The following MYH3 variants were observed in gnomAD, a reference collection of about 807,000 sequenced individuals.
MYH3 encodes the protein myosin heavy chain 3.
A neutral mutation model predicts 238.0 loss-of-function variants in MYH3; 130 were observed. That is an observed-to-expected ratio of 0.55 (90% CI 0.47 to 0.63). MYH3 has a LOEUF of 0.63. Ranked by LOEUF, MYH3 falls within the 30% of genes least tolerant of loss-of-function variation. The probability of loss-of-function intolerance (pLI) is 0.00; values close to 1 mark genes in which losing one functional copy is unlikely to be tolerated. For missense variants in MYH3, 1,853 were observed against 2,374.9 expected, an observed-to-expected ratio of 0.78 and a Z score of 4.57; for synonymous variants, 880 against 924.1, an observed-to-expected ratio of 0.95 and a Z score of 0.86.
the MYH3 span, among the ~76,000 whole-genome samples, chr17:10,671,625 G>C: frequency 7.1e-6 from 1 of 140,430 alleles, no homozygotes; most frequent in Non-Finnish European, 1.5e-5. Flanking sequence ...TGTCGCCCAG[G>C]CTGGAGTGCA....
At position 10,647,479 on chromosome 17, in the gene MYH3, TC is replaced by T. The variant is rs368254347; in HGVS notation, c.736-54del. The T allele has an allele frequency of 1.2e-3, 1,829 of 1,580,050 alleles. 12 individuals carry two copies. The African/African-American group carries it at 0.021, about 18-fold the overall frequency. ...CCAGATTCTACCATGGCCCAATAGTTCCTATTCATCTTATGGGTAATTTGAG... is the reference window on the plus strand; with the variant it reads ...CCAGATTCTACCATGGCCCAATAGTTCTATTCATCTTATGGGTAATTTGAG... On this transcript the variant is annotated intron_variant, in intron 8 of 40. Transcript: ENST00000583535.
the MYH3 span, among the ~76,000 whole-genome samples, chr17:10,666,586 A>G: frequency 6.6e-6 from 1 of 151,346 alleles, no homozygotes; most frequent in Admixed American, 6.6e-5. Flanking sequence ...TACAAAAAAA[A>G]AAAAAAAAAA....
the MYH3 span, chr17:10,673,883 G>A: frequency 6.6e-6 from 1 of 152,206 alleles, no homozygotes. Flanking sequence ...AATTTCAAAA[G>A]TGGGGCAATT....
intron 10 of MYH3, 138 bp from the exon 11 acceptor site, chr17:10,646,170 C>G (rs1447425141): frequency 1.3e-6 from 1 of 760,398 alleles, no homozygotes; most frequent in Non-Finnish European, 2.3e-6. Context: ...ATCTTTTAGA[C>G]AGTTCCACAA....
intron 28 of MYH3, 136 bp from the exon 29 acceptor site, chr17:10,635,989 G>T (rs954658619): frequency 3.8e-6 from 3 of 792,122 alleles, no homozygotes; most frequent in Non-Finnish European, 6.4e-6. Context: ...CAGGGAGAAG[G>T]TATATGGTTC....
intron 36 of MYH3, 130 bp downstream of exon 36, chr17:10,631,481 G>A (rs2074156267): frequency 2.9e-6 from 4 of 1,365,226 alleles, no homozygotes; most frequent in South Asian, 1.2e-5. Context: ...TTTGAGCGGA[G>A]ATGGGAGCCC....
Position 10,644,639 on chromosome 17 carries a change from A to G in MYH3, c.1205T>C (p.Phe402Ser). Residue 402 changes from phenylalanine to serine, a missense_variant, in exon 13 of 41, where the codon TTT becomes TCT. Transcript: ENST00000583535. ...CTCATTCCCAACTTTCACTCTAGGAAAGCACAAAGCTTTTAGGAGGTCCGA... is the reference window on the plus strand; with the variant it reads ...CTCATTCCCAACTTTCACTCTAGGAGAGCACAAAGCTTTTAGGAGGTCCGA... ...NSSDLLKALC[F>S]PRVKVGNEYV... The G allele has an allele frequency of 4.3e-6, 7 of 1,614,154 alleles. No individual in the cohort carries two copies. Among genetic ancestry groups the G allele is most frequent in the African/African-American group, 1.3e-5 (1 of 75,050 alleles).
upstream of MYH3, among the ~76,000 whole-genome samples, chr17:10,657,893 T>C (rs553998696): frequency 6.6e-6 from 1 of 152,156 alleles, no homozygotes; most frequent in Admixed American, 6.5e-5. Flanking sequence ...CTTCTACTCC[T>C]CTCCTTCTTT....
Position 10,654,961 on chromosome 17 carries a change from T to C in MYH3, c.104A>G (p.Lys35Arg), listed in dbSNP as rs1196330551. The C allele has an allele frequency of 1.2e-6, 2 of 1,614,216 alleles. No individual in the cohort carries two copies. Among genetic ancestry groups the C allele is most frequent in the East Asian group, 2.2e-5 (1 of 44,884 alleles). The stretch of plus-strand genomic sequence containing the variant: ...TGAGTCCACCACGAAGCAATACGTC[T>C]TGGCATCAAAGGGCTGGTTCTGAGC... ...IEAQNQPFDA[K>R]TYCFVVDSKE... Residue 35 changes from lysine (K) to arginine (R), a missense_variant, in exon 3 of 41, where the codon AAG becomes AGG. Physicochemically the swap from Lys to Arg is conservative, Grantham distance 26. Coordinates refer to ENST00000583535, the MANE Select transcript of MYH3 (RefSeq NM_002470.4). The surrounding 1 kb of genome is among the most constrained non-coding windows in gnomAD (Gnocchi z 4.5).
chr17:10,640,440 G>T lies in MYH3; in HGVS notation c.2319C>A (p.Thr773=), dbSNP rs1183078240. 8.7e-6 allele frequency: 14 copies of T among 1,614,068 alleles called. No homozygotes were observed. The highest frequency in any genetic ancestry group is 1.2e-5 in the Non-Finnish European group (14 of 1,180,046). ...KVFFKAGLLG[T]LEEMRDDRLA... ...GGCGGTCATCCCGCATCTCTTCCAG[G>T]GTTCCCAGCAAGCCAGCCTTGAAGA... The change falls in exon 21 of 41, where the codon ACC becomes ACA. Residue 773 remains threonine, a synonymous_variant. Coordinates refer to ENST00000583535, the MANE Select transcript of MYH3 (RefSeq NM_002470.4).
chr17:10,632,700 C>A lies in MYH3; in HGVS notation c.4732G>T (p.Ala1578Ser). Residue 1578 changes from alanine to serine, a missense_variant, in exon 34 of 41, where the codon GCC becomes TCC. Ala to Ser is a moderately conservative substitution (Grantham distance 99, BLOSUM62 1). Around this residue, in one of 3 missense-constraint regions of MYH3, gnomAD observed 1,044 missense variants for 1,192.6 expected, o/e 0.88. Transcript: ENST00000583535. Reference protein sequence around the residue: ...QVKSEIDRKIAEKDEEIEQLK... With the variant: ...QVKSEIDRKISEKDEEIEQLK... ...TGCTCGATCTCTTCATCCTTCTCGG[C>A]GATCTTTCTATCAATTTCTGATTTC... The A allele has an allele frequency of 6.2e-7, 1 of 1,614,138 alleles. No individual in the cohort carries two copies. The highest frequency in any genetic ancestry group is 1.1e-5 in the South Asian group (1 of 91,078).
At position 10,630,179 on chromosome 17, in the gene MYH3, A is replaced by G; in HGVS notation, c.5475T>C (p.Phe1825=). 6.2e-6 allele frequency: 10 copies of G among 1,614,076 alleles called. No homozygotes were observed. The highest frequency in any genetic ancestry group is 7.6e-6 in the Non-Finnish European group (9 of 1,180,002). The part of the protein sequence containing the change: ...KLETRIRELE[F]ELEGEQKKNT... Reference sequence around the variant, plus strand: ...TCTTCTTCTGCTCTCCCTCAAGTTCAAACTCCAGCTCTCGGATCTGGGGGA... The same window carrying G: ...TCTTCTTCTGCTCTCCCTCAAGTTCGAACTCCAGCTCTCGGATCTGGGGGA... The change falls in exon 38 of 41, where the codon TTT becomes TTC. Residue 1825 remains phenylalanine (F), a synonymous_variant. Coordinates refer to ENST00000583535, the MANE Select transcript of MYH3 (RefSeq NM_002470.4).
the MYH3 span, among the ~76,000 whole-genome samples, chr17:10,671,188 C>T: frequency 7.9e-5 from 12 of 152,264 alleles, no homozygotes; most frequent in South Asian, 1.2e-3. Context: ...CCACCATGCC[C>T]GGCCTCTGCT....
the MYH3 span, among the ~76,000 whole-genome samples, chr17:10,668,663 C>T: frequency 0.19 from 29,235 of 152,122 alleles, 3,810 homozygotes; most frequent in East Asian, 0.61. Context: ...GTTACAGTTA[C>T]GCAGGACACT....
chr17:10,654,610 G>A lies in MYH3; in HGVS notation c.204+251C>T, dbSNP rs149989719. Among the ~76,000 whole-genome samples, 12 of 152,318 alleles carry A rather than the reference G, an allele frequency of 7.9e-5. No individual in the cohort carries two copies. Among genetic ancestry groups the A allele is most frequent in the South Asian group, 4.1e-4 (2 of 4,824 alleles). On this transcript the variant is annotated intron_variant, in intron 3 of 40. Transcript: ENST00000583535. The surrounding 1 kb of genome is among the most constrained non-coding windows in gnomAD (Gnocchi z 4.5). ...TGGGCCCCTCTGGCCTACAGTGAAC[G>A]TGGACAAAAATACCTGAAAACTAAT...
At chr17:10,667,484 C>T in the MYH3 span, among the ~76,000 whole-genome samples, 2 of 152,142 alleles carry the variant, frequency 1.3e-5, no homozygotes, top group East Asian at 3.9e-4. Flanking sequence ...GAGTTTGAGA[C>T]CAGCCTGGCC....
chr17:10,639,607 A>G lies in MYH3; in HGVS notation c.2878T>C (p.Leu960=). Residue 960 remains leucine, a synonymous_variant, in exon 23 of 41, where the codon TTG becomes CTG. Coordinates refer to ENST00000583535, the MANE Select transcript of MYH3 (RefSeq NM_002470.4). ...TCCTTCTCAACCTTGGCCAGGGTCA[A>G]CTCAAGGTCATCAATGTCTTTCTTG... is the stretch of plus-strand genomic sequence containing the variant. ...ELKKDIDDLE[L]TLAKVEKEKH... 1 of 1,614,000 alleles carries G rather than the reference A, an allele frequency of 6.2e-7. No homozygotes were observed. Among genetic ancestry groups the G allele is most frequent in the South Asian group, 1.1e-5 (1 of 91,072 alleles).
chr17:10,633,557 G>A (rs1214330439), intron 33 of MYH3, 34 bp downstream of exon 33: 1 of 1,610,412 alleles, frequency 6.2e-7, no homozygotes, highest in South Asian at 1.1e-5. Flanking sequence ...CACCATGGCT[G>A]CATCTGCGCC....
At position 10,639,482 on chromosome 17, in the gene MYH3, G is replaced by A. The variant is rs188588330; in HGVS notation, c.2926-8C>T. 3.1e-3 allele frequency: 4,975 copies of A among 1,614,004 alleles called. 10 individuals are homozygous for A. Among genetic ancestry groups the A allele is most frequent in the Middle Eastern group, 5.0e-3 (30 of 6,038 alleles). ...CTCAGTAAGGTTTTTAACCTAAGAAGAATTCGCAAGCAATTATAAGCTTAA... is the reference window on the plus strand; with the variant it reads ...CTCAGTAAGGTTTTTAACCTAAGAAAAATTCGCAAGCAATTATAAGCTTAA... On this transcript the variant is annotated splice_polypyrimidine_tract_variant and splice_region_variant and intron_variant, in intron 23 of 40. Coordinates refer to ENST00000583535, the MANE Select transcript of MYH3 (RefSeq NM_002470.4).
Sources: allele counts gnomAD v4.1 joint callset (sites outside exome capture counted in the v4.1 genomes callset), GRCh38; gene constraint gnomAD v4.1.1; regional missense constraint gnomAD v4.1.1; non-coding constraint Gnocchi (gnomAD v3.1); transcripts MANE v1.5; gene names NCBI Gene and HGNC (gene_info 2026-07-23, HGNC 2026-07-21).